Variants in ADAMTSL2 observed in about 807,000 individuals in gnomAD.
ADAMTSL2 encodes ADAMTS-like protein 2.
Under a neutral mutation model 117.0 loss-of-function variants are expected in ADAMTSL2, and 55 were observed. The observed-to-expected ratio is 0.47, with a 90% CI of 0.38 to 0.59. The LOEUF is 0.59. Ranked by LOEUF, ADAMTSL2 falls within the 20% of genes least tolerant of loss-of-function variation. The pLI is 0.00. For missense variants in ADAMTSL2, 1,182 were observed against 1,354.5 expected, an observed-to-expected ratio of 0.87 and a Z score of 2.00; for synonymous variants, 572 against 566.4, an observed-to-expected ratio of 1.01 and a Z score of -0.14.
In ADAMTSL2 at chr9:133,555,312, G is replaced by T. The variant is rs1049614324; in HGVS notation, c.1277-246G>T. On this transcript the variant is annotated intron_variant, in intron 10 of 18. Coordinates refer to ENST00000651351, the MANE Select transcript of ADAMTSL2 (RefSeq NM_014694.4). Reference sequence around the variant, plus strand: ...GGTTCCGGGGGGGGCCATGAATTTTGGGGGGATGCTATTCAATCCACTACA... The same window carrying T: ...GGTTCCGGGGGGGGCCATGAATTTTTGGGGGATGCTATTCAATCCACTACA... Among the ~76,000 whole-genome samples, 7 of 135,784 alleles carry T rather than the reference G, an allele frequency of 5.2e-5. No individual in the cohort carries two copies. The South Asian group carries it at 1.4e-3, about 27-fold the overall frequency. 89.1% of individuals were successfully genotyped at this position (135,784 alleles called of 152,430 possible). A position where few individuals can be genotyped will look rare whatever the true frequency, so the allele number is the denominator to read the frequency against.
intron 12 of ADAMTSL2, 55 bp from the exon 13 acceptor site, chr9:133,566,881 G>A: frequency 1.3e-6 from 2 of 1,575,984 alleles, no homozygotes; most frequent in East Asian, 2.3e-5. Context: ...AGGCCTGTCT[G>A]CTGGGCTCCA....
chr9:133,551,812 C>CTTTTTTTTTTTTTTTTTTT (rs56225051), intron 9 of ADAMTSL2, among the ~76,000 whole-genome samples: 1 of 111,064 alleles, frequency 9.0e-6, no homozygotes. Flanking sequence ...AAAGCAGCAG[C>CTTTTTTTTTTTTTTTTTTT]TTTTTTTTTT....
rs1320466798 is a variant in ADAMTSL2 at position 133,558,331 on chromosome 9, C to T, written c.1649+2401C>T. On this transcript the variant is annotated intron_variant, in intron 11 of 18. Transcript: ENST00000651351. This position sits in a 1 kb window ranked among gnomAD's most constrained non-coding sequence, Gnocchi z 4.3. ...GGAAACCACCAGGCCAAAATAGCCACGTCTCGGCCGAGTTGTCCAAACACA... is the reference window on the plus strand; with the variant it reads ...GGAAACCACCAGGCCAAAATAGCCATGTCTCGGCCGAGTTGTCCAAACACA... Among the ~76,000 whole-genome samples, 4 of 152,208 alleles carry T rather than the reference C, an allele frequency of 2.6e-5. No homozygotes were observed. Among genetic ancestry groups the T allele is most frequent in the Non-Finnish European group, 5.9e-5 (4 of 68,048 alleles).
rs556469820 is a variant in ADAMTSL2, at chr9:133,544,421, G to C, written c.683-49G>C. ...TGTGGAGTGGGCGAGTGCCACCCAAGGCTGCCTTTCCAATCAAGAGGGGCT... is the reference window on the plus strand; with the variant it reads ...TGTGGAGTGGGCGAGTGCCACCCAACGCTGCCTTTCCAATCAAGAGGGGCT... On this transcript the variant is annotated intron_variant, in intron 7 of 18. Transcript: ENST00000651351. 5.2e-5 allele frequency: 79 copies of C among 1,509,076 alleles called. 1 individual carries two copies. In the South Asian group the frequency reaches 8.6e-4, roughly 16 times the overall value. 93.5% of individuals were successfully genotyped at this position (1,509,076 alleles called of 1,614,324 possible). A position where few individuals can be genotyped will look rare whatever the true frequency, so the allele number is the denominator to read the frequency against.
rs746581904 is a variant in ADAMTSL2 at position 133,565,363 on chromosome 9, T to G, written c.1748-1573T>G. 3.0e-3 allele frequency among the ~76,000 whole-genome samples: 452 copies of G among 152,188 alleles called. 5 individuals carry two copies. Among genetic ancestry groups the G allele is most frequent in the Admixed American group, 8.5e-3 (130 of 15,294 alleles). ...CACTGAGCTGGGACTTGGATTCCAG[T>G]CTCTCTTGACCAAGGCCTGCCGCGT... On this transcript the variant is annotated intron_variant, in intron 12 of 18. Coordinates refer to ENST00000651351, the MANE Select transcript of ADAMTSL2 (RefSeq NM_014694.4).
intron 4 of ADAMTSL2, among the ~76,000 whole-genome samples, chr9:133,539,261 G>T (rs1348607765): frequency 6.6e-6 from 1 of 152,182 alleles, no homozygotes; most frequent in Non-Finnish European, 1.5e-5. Context: ...CTCTGGCCCC[G>T]GCACGACTAA....
At chr9:133,540,575 C>T in intron 5 of ADAMTSL2, 23 bp from the exon 6 acceptor site, 1 of 1,612,654 alleles carries the variant, frequency 6.2e-7, no homozygotes, top group Non-Finnish European at 8.5e-7. Context: ...CTGAAACCTT[C>T]TGTCTTTGTC....
In ADAMTSL2 at chr9:133,537,469, A is replaced by G; in HGVS notation, c.155A>G (p.Glu52Gly). The part of the protein sequence containing the change: ...GTDATAFWWG[E>G]WTKWTACSRS... ...GACGCCACGGCCTTCTGGTGGGGGG[A>G]GTGGACCAAGTGGACGGCGTGTTCC... The change falls in exon 3 of 19, where the codon GAG (glutamate) becomes GGG (glycine). Residue 52 changes from glutamate (E) to glycine (G), a missense_variant. By Grantham distance (98) the Glu-to-Gly change is moderately conservative. Coordinates refer to ENST00000651351, the MANE Select transcript of ADAMTSL2 (RefSeq NM_014694.4). 1.5e-6 allele frequency: 2 copies of G among 1,355,456 alleles called. No homozygotes were observed. The highest frequency in any genetic ancestry group is 1.9e-6 in the Non-Finnish European group (2 of 1,045,472). 84.0% of individuals were successfully genotyped at this position (1,355,456 alleles called of 1,614,324 possible). A position where few individuals can be genotyped will look rare whatever the true frequency, so the allele number is the denominator to read the frequency against.
chr9:133,541,751 C>T (rs962283581), intron 7 of ADAMTSL2, among the ~76,000 whole-genome samples: 2 of 152,214 alleles, frequency 1.3e-5, no homozygotes, highest in South Asian at 2.1e-4. Context: ...TTGGGCAGCA[C>T]CTGTCCCCTT....
chr9:133,561,631 G>A (rs1260343268), intron 12 of ADAMTSL2, among the ~76,000 whole-genome samples: 1 of 152,202 alleles, frequency 6.6e-6, no homozygotes, highest in Non-Finnish European at 1.5e-5. Context: ...GAAATCTTAG[G>A]TAGCAGAGAT....
At chr9:133,547,594 G>A (rs1830382471) in intron 9 of ADAMTSL2, among the ~76,000 whole-genome samples, 1 of 152,232 alleles carries the variant, frequency 6.6e-6, no homozygotes, top group South Asian at 2.1e-4. Flanking sequence ...ACCAGCGGGG[G>A]TTCCGTGCTG....
chr9:133,539,548 G>A (rs1268682874), intron 4 of ADAMTSL2, among the ~76,000 whole-genome samples: 1 of 132,402 alleles, frequency 7.6e-6, no homozygotes. Context: ...GCGGAGGGCT[G>A]GCGTGGGGGG....
chr9:133,555,535 T>C, intron 10 of ADAMTSL2, 23 bp from the exon 11 acceptor site: 2 of 1,612,896 alleles, frequency 1.2e-6, no homozygotes, highest in Non-Finnish European at 8.5e-7. Flanking sequence ...TGCCCACGGT[T>C]GAGCCACCTG....
intron 7 of ADAMTSL2, 30 bp downstream of exon 7, chr9:133,541,031 C>G (rs754385404): frequency 6.2e-7 from 1 of 1,606,014 alleles, no homozygotes; most frequent in African/African-American, 1.3e-5. Flanking sequence ...GGAGTCCAAG[C>G]ACAGCAGAGT....
rs1830594560 is a variant in ADAMTSL2 at position 133,555,874 on chromosome 9, C to T, written c.1593C>T (p.Phe531=). 1 of 1,613,118 alleles carries T rather than the reference C, an allele frequency of 6.2e-7. No homozygotes were observed. Among genetic ancestry groups the T allele is most frequent in the Non-Finnish European group, 8.5e-7 (1 of 1,179,978 alleles). Residue 531 remains phenylalanine, a synonymous_variant, in exon 11 of 19, where the codon TTC becomes TTT. Coordinates refer to ENST00000651351, the MANE Select transcript of ADAMTSL2 (RefSeq NM_014694.4). ...CCAACAGCTCCTCCGAGGCCCCATT[C>T]CCCAACGTTAGCACCAGCCTGCTCA... ...RVANSSSEAP[F]PNVSTSLLTS...
intron 11 of ADAMTSL2, among the ~76,000 whole-genome samples, chr9:133,559,658 C>A (rs1251536900): frequency 6.6e-6 from 1 of 152,010 alleles, no homozygotes; most frequent in Non-Finnish European, 1.5e-5. Flanking sequence ...GGCCCCCACC[C>A]CCATTTTTAA....
At chr9:133,538,529 G>A (rs2131093409) in intron 4 of ADAMTSL2, 105 bp downstream of exon 4, 1 of 1,335,114 alleles carries the variant, frequency 7.5e-7, no homozygotes, top group Non-Finnish European at 1.1e-6. Flanking sequence ...GCATTCTGTT[G>A]TGGGCTGCTC....
At position 133,536,563 on chromosome 9, in the gene ADAMTSL2, G is replaced by C. The variant is rs1830056689; in HGVS notation, c.-150G>C. 6.4e-7 allele frequency: 1 copy of C among 1,570,884 alleles called. No individual in the cohort carries two copies. The highest frequency in any genetic ancestry group is 1.2e-5 in the South Asian group (1 of 86,932). The stretch of plus-strand genomic sequence containing the variant: ...GCGGGGGGTTCATCCTTCCCAACAG[G>C]GTCTGCCAGACAACCACGACCAACT... On this transcript the variant is annotated splice_region_variant and 5_prime_UTR_variant, in exon 2 of 19. Transcript: ENST00000651351.
intron 16 of ADAMTSL2, among the ~76,000 whole-genome samples, 163 bp downstream of exon 16, chr9:133,569,741 TA>T (rs1305468468): frequency 1.3e-5 from 2 of 152,240 alleles, no homozygotes; most frequent in African/African-American, 4.8e-5. Context: ...ACAAAAGGCT[TA>T]AAAGGTAGGA....
Sources: allele counts gnomAD v4.1 joint callset (sites outside exome capture counted in the v4.1 genomes callset), GRCh38; gene constraint gnomAD v4.1.1; non-coding constraint Gnocchi (gnomAD v3.1); transcripts MANE v1.5; gene names NCBI Gene and HGNC (gene_info 2026-07-23, HGNC 2026-07-21).